The following OR4A15 variants were observed in gnomAD, a reference collection of about 807,000 sequenced individuals.
OR4A15 encodes olfactory receptor 4A15.
For synonymous variants in OR4A15, 240 were observed against 135.6 expected, an observed-to-expected ratio of 1.77 and a Z score of -5.35; for missense variants, 657 against 374.7, an observed-to-expected ratio of 1.75 and a Z score of -6.22.
At chr11:55,368,636 C>G (rs765769675) in exon 1 of OR4A15, 8 of 1,613,666 alleles carry the variant, frequency 5.0e-6, no homozygotes, top group Admixed American at 1.7e-5. Flanking sequence ...TCATATTACA[C>G]TCTCTTAAGA....
chr11:55,368,744 A>C, exon 1 of OR4A15: 2 of 1,613,780 alleles, frequency 1.2e-6, no homozygotes, highest in Non-Finnish European at 1.7e-6. Flanking sequence ...TCTTGTATGC[A>C]AGGCCCAATT....
Position 55,368,778 on chromosome 11 carries a change from A to G in OR4A15, c.805A>G (p.Met269Val), listed in dbSNP as rs778177673. ...TTCTACTTTTCCCATTGATAAATCC[A>G]TGACTGTAGTTCTAACTTTTATAAC... Residue 269 changes from methionine (M) to valine (V), a missense_variant, in exon 1 of 1, where the codon ATG (methionine) becomes GTG (valine). Met to Val is a conservative substitution (Grantham distance 21). Coordinates refer to ENST00000641526, the Ensembl canonical transcript of OR4A15. 7.4e-6 allele frequency: 12 copies of G among 1,613,590 alleles called. No homozygotes were observed. In the East Asian group the frequency reaches 2.2e-4, roughly 30 times the overall value.
Position 55,368,401 on chromosome 11 carries a change from T to A in OR4A15, c.428T>A (p.Leu143Gln), listed in dbSNP as rs1231836284. 1.9e-6 allele frequency: 3 copies of A among 1,613,816 alleles called. No individual in the cohort carries two copies. In the Admixed American group the frequency reaches 5.0e-5, roughly 27 times the overall value. Residue 143 changes from leucine to glutamine, a missense_variant, in exon 1 of 1, where the codon CTG (leucine) becomes CAG (glutamine). By Grantham distance (113) the Leu-to-Gln change is moderately radical. Transcript: ENST00000641526. ...AATCGTCGAGTCTGTGTTCTTATGC[T>A]GTTGGCGGCCTGGATTGGAGGCTTT...
chr11:55,368,219 C>T (rs1246608645), exon 1 of OR4A15: 7 of 1,613,730 alleles, frequency 4.3e-6, no homozygotes, highest in Non-Finnish European at 5.1e-6. Context: ...TGATTGTTGA[C>T]TTGCTCTCTG....
chr11:55,368,430 C>T (rs1428184028), exon 1 of OR4A15: 11 of 1,612,334 alleles, frequency 6.8e-6, no homozygotes, highest in Non-Finnish European at 8.5e-6. Context: ...AGGCTTTCTT[C>T]ACTCATTGGT....
At chr11:55,368,468 T>A in exon 1 of OR4A15, 5 of 1,610,966 alleles carry the variant, frequency 3.1e-6, no homozygotes. Flanking sequence ...ATCAGCTCCC[T>A]TTCTGTGGAC....
rs772034737 is a variant in OR4A15, at chr11:55,368,466, C to T, written c.493C>T (p.Pro165Ser). ...TCAATTTCTCTTTATTTATCAGCTC[C>T]CTTTCTGTGGACCCAATGTCATTGA... Residue 165 changes from proline (P) to serine (S), a missense_variant, in exon 1 of 1, where the codon CCT becomes TCT. Pro to Ser is a moderately conservative substitution (Grantham distance 74). Coordinates refer to ENST00000641526, the Ensembl canonical transcript of OR4A15. The T allele has an allele frequency of 2.5e-6, 4 of 1,610,478 alleles. No individual in the cohort carries two copies. The highest frequency in any genetic ancestry group is 2.2e-5 in the South Asian group (2 of 91,024).
exon 1 of OR4A15, chr11:55,368,553 G>T (rs1378043090): frequency 1.2e-6 from 2 of 1,613,344 alleles, no homozygotes; most frequent in Non-Finnish European, 8.5e-7. Flanking sequence ...CTATGTCACT[G>T]GGCTTTCTAT....
At chr11:55,368,624 G>A (rs1428593725) in exon 1 of OR4A15, 5 of 1,613,488 alleles carry the variant, frequency 3.1e-6, no homozygotes, top group East Asian at 2.2e-5. Flanking sequence ...TTTCCTATGG[G>A]GTCATATTAC....
At chr11:55,368,218 A>T (rs562969210) in exon 1 of OR4A15, 1 of 1,613,712 alleles carries the variant, frequency 6.2e-7, no homozygotes, top group East Asian at 2.2e-5. Flanking sequence ...ATGATTGTTG[A>T]CTTGCTCTCT....
exon 1 of OR4A15, chr11:55,368,864 G>C (rs1303530512): frequency 1.2e-6 from 2 of 1,610,760 alleles, no homozygotes; most frequent in Admixed American, 3.4e-5. Flanking sequence ...GTGCCATGAG[G>C]AAACTTTGGA....
At chr11:55,368,080 C>G in exon 1 of OR4A15, 1 of 1,613,274 alleles carries the variant, frequency 6.2e-7, no homozygotes, top group Admixed American at 1.7e-5. Flanking sequence ...TACATGGTGA[C>G]GATAATGGGC....
exon 1 of OR4A15, chr11:55,368,510 G>C (rs376137646): frequency 3.1e-6 from 5 of 1,612,668 alleles, no homozygotes; most frequent in Non-Finnish European, 4.2e-6. Flanking sequence ...TGTGTGATTT[G>C]TATCCCTTAT....
At chr11:55,368,533 G>T (rs200768577) in exon 1 of OR4A15, 3 of 1,613,342 alleles carry the variant, frequency 1.9e-6, no homozygotes, top group Non-Finnish European at 2.5e-6. Flanking sequence ...AAACTTGCTT[G>T]CACCAATACC....
chr11:55,368,850 A>T lies in OR4A15; in HGVS notation c.877A>T (p.Lys293Ter), dbSNP rs1241184409. ...CTATACCCTGAAGAATGCAGAAATGAAAAGTGCCATGAGGAAACTTTGGAG... is the reference window on the plus strand; with the variant it reads ...CTATACCCTGAAGAATGCAGAAATGTAAAGTGCCATGAGGAAACTTTGGAG... The change falls in exon 1 of 1, where the codon AAA becomes TAA. Residue 293 changes from lysine (K) to a stop codon, truncating the protein, a stop_gained. Transcript: ENST00000641526. LOFTEE classifies it low-confidence loss of function (END_TRUNC). The T allele has an allele frequency of 6.2e-7, 1 of 1,612,888 alleles. No individual in the cohort carries two copies. The highest frequency in any genetic ancestry group is 1.3e-5 in the African/African-American group (1 of 74,976).
At position 55,368,784 on chromosome 11, in the gene OR4A15, G is replaced by A. The variant is rs771464568; in HGVS notation, c.811G>A (p.Val271Ile). The A allele has an allele frequency of 1.8e-5, 29 of 1,613,474 alleles. No homozygotes were observed. Among genetic ancestry groups the A allele is most frequent in the African/African-American group, 2.7e-5 (2 of 74,856 alleles). Reference sequence around the variant, plus strand: ...TTTTCCCATTGATAAATCCATGACTGTAGTTCTAACTTTTATAACTCCCAT... The same window carrying A: ...TTTTCCCATTGATAAATCCATGACTATAGTTCTAACTTTTATAACTCCCAT... Residue 271 changes from valine to isoleucine, a missense_variant, in exon 1 of 1, where the codon GTA becomes ATA. Coordinates refer to ENST00000641526, the Ensembl canonical transcript of OR4A15.
chr11:55,368,908 A>T (rs752779412), exon 1 of OR4A15: 1 of 1,593,498 alleles, frequency 6.3e-7, no homozygotes, highest in Non-Finnish European at 8.6e-7. Flanking sequence ...AAATGGCTGT[A>T]TCACTCATGA....
At chr11:55,368,222 G>A (rs1419624869) in exon 1 of OR4A15, 1 of 1,613,690 alleles carries the variant, frequency 6.2e-7, no homozygotes, top group Admixed American at 1.7e-5. Flanking sequence ...TTGTTGACTT[G>A]CTCTCTGAGA....
At position 55,368,735 on chromosome 11, in the gene OR4A15, C is replaced by A. The variant is rs749826089; in HGVS notation, c.762C>A (p.Phe254Leu). The A allele has an allele frequency of 3.7e-6, 6 of 1,613,742 alleles. No individual in the cohort carries two copies. In the East Asian group the frequency reaches 1.3e-4, roughly 36 times the overall value. The change falls in exon 1 of 1, where the codon TTC becomes TTA. Residue 254 changes from phenylalanine to leucine, a missense_variant. Coordinates refer to ENST00000641526, the Ensembl canonical transcript of OR4A15. ...TTTTATTCTTTGTCCCCTGTATCTTCTTGTATGCAAGGCCCAATTCTACTT... is the reference window on the plus strand; with the variant it reads ...TTTTATTCTTTGTCCCCTGTATCTTATTGTATGCAAGGCCCAATTCTACTT...
Sources: allele counts gnomAD v4.1 joint callset, GRCh38; gene constraint gnomAD v4.1.1; transcripts MANE v1.5; gene names NCBI Gene and HGNC (gene_info 2026-07-23, HGNC 2026-07-21).